Variants in TEX11 observed in about 807,000 individuals in gnomAD.
TEX11 encodes testis expressed 11.
In TEX11, 7 loss-of-function variants were observed where a neutral mutation model predicts 84.4. That is an observed-to-expected ratio of 0.08 (90% confidence interval 0.05 to 0.16). The LOEUF (loss-of-function observed/expected upper bound fraction) is 0.16, where lower values mean the gene tolerates loss of function less well. TEX11 is among the 10% of genes least tolerant of loss of function. The pLI, the probability that TEX11 is intolerant of heterozygous loss-of-function variation, is 1.00. For synonymous variants in TEX11, 264 were observed against 222.8 expected (o/e 1.18, Z -1.64); for missense variants, 551 against 660.5 (o/e 0.83, Z 1.82).
chrX:70,680,243 ATTC>A (rs1312000635), intron 14 of TEX11, among the ~76,000 whole-genome samples: 1 of 95,891 alleles, frequency 1.0e-5, no homozygotes, highest in Non-Finnish European at 2.1e-5. Context: ...ACTAAGAAAA[ATTC>A]TTCTGCCTTG....
At chrX:70,514,001 A>G in the TEX11 span, among the ~76,000 whole-genome samples, 1 of 109,404 alleles carries the variant, frequency 9.1e-6, no homozygotes, top group South Asian at 3.8e-4. Flanking sequence ...GTATAAATAC[A>G]CAGCACATGC....
chrX:70,748,632 T>C (rs886506841), intron 9 of TEX11, among the ~76,000 whole-genome samples: 6 of 106,134 alleles, frequency 5.7e-5, no homozygotes, highest in Admixed American at 2.1e-4. Flanking sequence ...TTCAGCTTTC[T>C]ACATATGGCT....
chrX:70,574,391 C>A, intron 25 of TEX11, among the ~76,000 whole-genome samples: 1 of 111,550 alleles, frequency 9.0e-6, no homozygotes. Context: ...TTTCCTTTTT[C>A]ACCCCTGGAA....
chrX:70,842,638 T>C (rs1399753837), intron 7 of TEX11, among the ~76,000 whole-genome samples: 2 of 111,396 alleles, frequency 1.8e-5, no homozygotes, highest in African/African-American at 6.5e-5. Flanking sequence ...CCAAGGCAAT[T>C]AGGCAGGAGA....
intron 25 of TEX11, among the ~76,000 whole-genome samples, chrX:70,576,778 C>T (rs1302224074): frequency 8.9e-6 from 1 of 112,441 alleles, no homozygotes; most frequent in Non-Finnish European, 1.9e-5. Context: ...CACATACACA[C>T]ATATGTTTTA....
chrX:70,519,040 C>T, the TEX11 span, among the ~76,000 whole-genome samples: 2 of 111,745 alleles, frequency 1.8e-5, no homozygotes, highest in African/African-American at 6.5e-5. Flanking sequence ...GAATATAGCA[C>T]ACTGATGGGT....
intron 11 of TEX11, among the ~76,000 whole-genome samples, chrX:70,727,132 AC>A (rs1430722196): frequency 9.0e-6 from 1 of 111,598 alleles, no homozygotes; most frequent in Non-Finnish European, 1.9e-5. Flanking sequence ...TAAGTAACTT[AC>A]CCATGGTCAC....
At chrX:70,837,174 T>C (rs1470427918) in intron 7 of TEX11, among the ~76,000 whole-genome samples, 1 of 112,144 alleles carries the variant, frequency 8.9e-6, no homozygotes. Context: ...TTATTTACAA[T>C]AGCCAAAAAT....
chrX:70,675,422 T>C (rs968425180), intron 15 of TEX11, among the ~76,000 whole-genome samples: 2 of 111,858 alleles, frequency 1.8e-5, no homozygotes, highest in East Asian at 2.8e-4. Context: ...TAGCATAAAA[T>C]TGACTACTCT....
At chrX:70,741,969 T>C (rs756843425) in intron 10 of TEX11, among the ~76,000 whole-genome samples, 11 of 112,102 alleles carry the variant, frequency 9.8e-5, no homozygotes, top group Non-Finnish European at 2.1e-4. Context: ...CATTGAAGTA[T>C]AAAAGACTTA....
intron 7 of TEX11, chrX:70,845,933 T>C (rs2091477043): frequency 8.9e-6 from 1 of 112,099 alleles, no homozygotes; most frequent in Non-Finnish European, 1.9e-5. Flanking sequence ...AAGTGCTATA[T>C]GAGTGTTTCC....
intron 15 of TEX11, among the ~76,000 whole-genome samples, chrX:70,676,939 T>C (rs112627398): frequency 1.3e-3 from 146 of 112,145 alleles, no homozygotes; most frequent in African/African-American, 4.6e-3. Flanking sequence ...TTACGTATCT[T>C]CCATGCCTCC....
intron 2 of TEX11, among the ~76,000 whole-genome samples, chrX:70,883,323 C>T (rs2091692802): frequency 9.0e-6 from 1 of 111,345 alleles, no homozygotes; most frequent in African/African-American, 3.3e-5. Flanking sequence ...GTGTCTCGCG[C>T]TTGTAATTCC....
intron 13 of TEX11, among the ~76,000 whole-genome samples, chrX:70,720,205 C>T (rs756598702): frequency 9.0e-6 from 1 of 111,352 alleles, no homozygotes; most frequent in Non-Finnish European, 1.9e-5. Flanking sequence ...AAGGATGAGT[C>T]CCTGTCCTAT....
chrX:70,893,257 G>C (rs760361019), intron 2 of TEX11, among the ~76,000 whole-genome samples: 5 of 111,274 alleles, frequency 4.5e-5, no homozygotes, highest in Non-Finnish European at 7.5e-5. Flanking sequence ...CATTCTTCTC[G>C]GCACCACATA....
At chrX:70,596,523 G>T (rs1056695504) in intron 24 of TEX11, among the ~76,000 whole-genome samples, 4 of 110,862 alleles carry the variant, frequency 3.6e-5, no homozygotes, top group Non-Finnish European at 5.7e-5. Flanking sequence ...TTAAACAACA[G>T]ATTCCTAAAT....
chrX:70,907,926 G>A, intron 1 of TEX11, 116 bp from the exon 2 acceptor site: 1 of 525,532 alleles, frequency 1.9e-6, no homozygotes, highest in Middle Eastern at 5.8e-4. Flanking sequence ...AAAAGGCTGA[G>A]TAAAGTTAAA....
rs191960003 is a variant in TEX11 at position 70,726,176 on chromosome X, A to G, written c.844-833T>C. On this transcript the variant is annotated intron_variant, in intron 11 of 29. Transcript: ENST00000374333. ...TTGGATTCAATTCCCTTTTATCTTC[A>G]GAGACATAGAGGTCTTCCAGATCTT... Among the ~76,000 whole-genome samples the G allele has an allele frequency of 4.6e-3, 515 of 112,233 alleles. 1 individual carries two copies. The highest frequency in any genetic ancestry group is 7.5e-3 in the Non-Finnish European group (399 of 53,254).
At chrX:70,782,663 A>AAAAAAAAAAAAAAAAAAAAC in intron 9 of TEX11, among the ~76,000 whole-genome samples, 1 of 104,898 alleles carries the variant, frequency 9.5e-6, no homozygotes, top group Non-Finnish European at 1.9e-5. Context: ...AAAAAAAAAA[A>AAAAAAAAAAAAAAAAAAAAC]AAACAGGGGT....
Sources: gnomAD v4.1 joint callset for allele counts (sites outside exome capture counted in the v4.1 genomes callset) on GRCh38, gnomAD v4.1.1 for gene constraint, MANE v1.5 for transcripts, NCBI Gene and HGNC (gene_info 2026-07-23, HGNC 2026-07-21) for gene names.